The following MN1 variants were observed in gnomAD, a reference collection of about 807,000 sequenced individuals.
MN1 encodes the protein transcriptional activator MN1.
Under a neutral mutation model 86.9 loss-of-function variants are expected in MN1, and 19 were observed. The ratio of observed to expected loss-of-function variants is 0.22; its 90% CI spans 0.15 to 0.32. The LOEUF is 0.32. MN1 is among the 10% of genes least tolerant of loss of function. MN1 has a pLI of 1.00. For missense variants in MN1, 1,841 were observed against 1,862.0 expected, an observed-to-expected ratio of 0.99 and a Z score of 0.21; for synonymous variants, 928 against 849.6, an observed-to-expected ratio of 1.09 and a Z score of -1.60.
chr22:27,762,032 G>A (rs891125884), intron 1 of MN1, among the ~76,000 whole-genome samples: 17 of 152,170 alleles, frequency 1.1e-4, no homozygotes, highest in Non-Finnish European at 2.4e-4. Flanking sequence ...AGCCGCGGAC[G>A]GCAGGATGGA....
At chr22:27,796,105 G>A (rs1460017476) in intron 1 of MN1, among the ~76,000 whole-genome samples, 7 of 152,066 alleles carry the variant, frequency 4.6e-5, no homozygotes, top group Non-Finnish European at 1.0e-4. Context: ...CCCTGAAAAG[G>A]TTCCCTGCCT....
In MN1 at chr22:27,797,652, C is replaced by A. The variant is rs1310214865; in HGVS notation, c.2892G>T (p.Ala964=). The change falls in exon 1 of 2, where the codon GCG becomes GCT. Residue 964 remains alanine, a synonymous_variant. Coordinates refer to ENST00000302326, the MANE Select transcript of MN1 (RefSeq NM_002430.3). ...CAGGTGCGCCCCCGCTGTCCGGAGC[C>A]GCCGAGTACTTGTCAAAGAAGGTGC... is the stretch of plus-strand genomic sequence containing the variant. ...SPGTFFDKYS[A]APDSGGAPGV... The A allele has an allele frequency of 6.2e-7, 1 of 1,600,298 alleles. No individual in the cohort carries two copies. Among genetic ancestry groups the A allele is most frequent in the South Asian group, 1.1e-5 (1 of 89,286 alleles).
chr22:27,774,853 C>G (rs1411828498), intron 1 of MN1, among the ~76,000 whole-genome samples: 1 of 152,160 alleles, frequency 6.6e-6, no homozygotes, highest in Non-Finnish European at 1.5e-5. Flanking sequence ...AAGCCACTGG[C>G]AGACTAGACC....
chr22:27,762,051 G>T (rs1007064193), intron 1 of MN1, among the ~76,000 whole-genome samples: 1 of 152,182 alleles, frequency 6.6e-6, no homozygotes, highest in African/African-American at 2.4e-5. Context: ...GACAGAGTGG[G>T]CTCCTCGCAC....
chr22:27,791,583 G>C (rs1328502906), intron 1 of MN1, among the ~76,000 whole-genome samples: 1 of 151,770 alleles, frequency 6.6e-6, no homozygotes, highest in Non-Finnish European at 1.5e-5. Flanking sequence ...CCGACAAACA[G>C]AGGACCGCTC....
chr22:27,799,657 T>C lies in MN1; in HGVS notation c.887A>G (p.Gln296Arg). The change falls in exon 1 of 2, where the codon CAG becomes CGG. Residue 296 changes from glutamine to arginine, a missense_variant. Gln to Arg is a conservative substitution (Grantham distance 43, BLOSUM62 1). Coordinates refer to ENST00000302326, the MANE Select transcript of MN1 (RefSeq NM_002430.3). ...CTGGGGCTGCTGCTGCTGCTGGGGC[T>C]GCTGCTGCGGTGGCTGGGCGTGCAT... is the stretch of plus-strand genomic sequence containing the variant. Reference protein sequence around the residue: ...SKMHAQPPQQQPQQQQQPQQQ... With the variant: ...SKMHAQPPQQRPQQQQQPQQQ... 1 of 1,550,458 alleles carries C rather than the reference T, an allele frequency of 6.4e-7. No individual in the cohort carries two copies. The highest frequency in any genetic ancestry group is 8.7e-7 in the Non-Finnish European group (1 of 1,147,024).
Position 27,800,676 on chromosome 22 carries a change from A to T in MN1, c.-133T>A. Reference sequence around the variant, plus strand: ...TCAGCACCGCGGGGGCTCAGCGCGCACCTCCACCCCGCCTGATGTGAGGGA... The same window carrying T: ...TCAGCACCGCGGGGGCTCAGCGCGCTCCTCCACCCCGCCTGATGTGAGGGA... On this transcript the variant is annotated 5_prime_UTR_variant, in exon 1 of 2. Coordinates refer to ENST00000302326, the MANE Select transcript of MN1 (RefSeq NM_002430.3). 1 of 1,257,402 alleles carries T rather than the reference A, an allele frequency of 8.0e-7. No individual in the cohort carries two copies. Among genetic ancestry groups the T allele is most frequent in the Non-Finnish European group, 1.1e-6 (1 of 910,154 alleles). The allele number at this position is 1,257,402 out of a possible 1,614,324, so 77.9% of individuals were successfully genotyped here.
chr22:27,763,917 G>C (rs1033781498), intron 1 of MN1, among the ~76,000 whole-genome samples: 1 of 152,234 alleles, frequency 6.6e-6, no homozygotes, highest in Admixed American at 6.5e-5. Flanking sequence ...AGAGGAGGCG[G>C]TGTGCAAGTA....
chr22:27,759,489 C>T (rs996693935), intron 1 of MN1, among the ~76,000 whole-genome samples: 4 of 150,612 alleles, frequency 2.7e-5, no homozygotes, highest in Non-Finnish European at 5.9e-5. Context: ...CTCCCAGACA[C>T]GCATCAGCTT....
chr22:27,779,173 C>G (rs1219889481), intron 1 of MN1, among the ~76,000 whole-genome samples: 1 of 152,118 alleles, frequency 6.6e-6, no homozygotes, highest in Non-Finnish European at 1.5e-5. Flanking sequence ...GGGTCCTCAC[C>G]CCCTAGGCCT....
intron 1 of MN1, among the ~76,000 whole-genome samples, chr22:27,768,015 G>A (rs1432390495): frequency 1.3e-5 from 2 of 152,084 alleles, no homozygotes. Context: ...CAAGGGAGCA[G>A]CCAACTCAGG....
chr22:27,800,547 T>A lies in MN1; in HGVS notation c.-4A>T. ...CGAATTGGTCCAGCCCAAACATACT[T>A]GGCGGGGGGCAGAGGGGGATCAATA... On this transcript the variant is annotated 5_prime_UTR_variant, in exon 1 of 2. Coordinates refer to ENST00000302326, the MANE Select transcript of MN1 (RefSeq NM_002430.3). 1 of 1,613,922 alleles carries A rather than the reference T, an allele frequency of 6.2e-7. No homozygotes were observed. Among genetic ancestry groups the A allele is most frequent in the South Asian group, 1.1e-5 (1 of 91,086 alleles).
Position 27,762,524 on chromosome 22 carries a change from ACTATT to A in MN1, c.3782-11433_3782-11429del, listed in dbSNP as rs575121069. ...GCTGGTAATAGTATTACCATTAAGTACTATTATTATATTTGAGAGTCTCTCCAGCC... is the reference window on the plus strand; with the variant it reads ...GCTGGTAATAGTATTACCATTAAGTAATTATATTTGAGAGTCTCTCCAGCC... On this transcript the variant is annotated intron_variant, in intron 1 of 1. Coordinates refer to ENST00000302326, the MANE Select transcript of MN1 (RefSeq NM_002430.3). Among the ~76,000 whole-genome samples, 23 of 152,190 alleles carry A rather than the reference ACTATT, an allele frequency of 1.5e-4. 1 individual carries two copies. In the South Asian group the frequency reaches 4.4e-3, roughly 29 times the overall value.
At position 27,798,126 on chromosome 22, in the gene MN1, C is replaced by T; in HGVS notation, c.2418G>A (p.Ser806=). ...AGCTGGGCTTGTTGAAGGAGCCCAG[C>T]GAGAGCGCGCCCAATTTACTGGCCG... ...RTSASKLGAL[S]LGSFNKPSSK... The change falls in exon 1 of 2, where the codon TCG becomes TCA. Residue 806 remains serine (S), a synonymous_variant. Transcript: ENST00000302326. The T allele has an allele frequency of 6.2e-7, 1 of 1,606,970 alleles. No homozygotes were observed. The highest frequency in any genetic ancestry group is 1.3e-5 in the African/African-American group (1 of 74,840).
rs376292926 is a variant in MN1 at position 27,770,684 on chromosome 22, G to T, written c.3782-19588C>A. On this transcript the variant is annotated intron_variant, in intron 1 of 1. Coordinates refer to ENST00000302326, the MANE Select transcript of MN1 (RefSeq NM_002430.3). ...TATTTTATTTTATTTTTAGAGACAGGTTCTCACCTTGTCACCCTGGCTGGA... is the reference window on the plus strand; with the variant it reads ...TATTTTATTTTATTTTTAGAGACAGTTTCTCACCTTGTCACCCTGGCTGGA... 4.0e-4 allele frequency among the ~76,000 whole-genome samples: 57 copies of T among 143,790 alleles called. 1 individual carries two copies. Among genetic ancestry groups the T allele is most frequent in the African/African-American group, 1.4e-3 (48 of 34,530 alleles). 94.3% of individuals were successfully genotyped at this position (143,790 alleles called of 152,430 possible). A position where few individuals can be genotyped will look rare whatever the true frequency, so the allele number is the denominator to read the frequency against.
At chr22:27,751,178 G>A in intron 1 of MN1, 82 bp from the exon 2 acceptor site, 3 of 1,275,038 alleles carry the variant, frequency 2.4e-6, no homozygotes, top group Non-Finnish European at 3.2e-6. Context: ...AGTGGCAGAG[G>A]CATACAAGAC....
intron 1 of MN1, among the ~76,000 whole-genome samples, chr22:27,787,460 C>T (rs192650647): frequency 6.6e-6 from 1 of 152,342 alleles, no homozygotes; most frequent in East Asian, 1.9e-4. Context: ...AGCTCCTTTC[C>T]ACACTTGGCT....
At chr22:27,774,754 T>G (rs1470126116) in intron 1 of MN1, among the ~76,000 whole-genome samples, 1 of 152,114 alleles carries the variant, frequency 6.6e-6, no homozygotes, top group Non-Finnish European at 1.5e-5. Context: ...ATTTCACAGA[T>G]GAGGAAACTG....
intron 1 of MN1, among the ~76,000 whole-genome samples, chr22:27,783,384 A>T (rs912298479): frequency 6.6e-6 from 1 of 152,122 alleles, no homozygotes; most frequent in African/African-American, 2.4e-5. Flanking sequence ...CACTTGCCTC[A>T]GCTTCCCAAA....
Sources: allele counts gnomAD v4.1 joint callset (sites outside exome capture counted in the v4.1 genomes callset), GRCh38; gene constraint gnomAD v4.1.1; transcripts MANE v1.5; gene names NCBI Gene and HGNC (gene_info 2026-07-23, HGNC 2026-07-21).